MGA: variants seen among roughly 807,000 people sequenced by gnomAD.
MGA encodes MAX dimerization protein MGA.
Under a neutral mutation model 261.1 loss-of-function variants are expected in MGA, and 40 were observed. That is an observed-to-expected ratio of 0.15 (90% CI 0.12 to 0.20). The LOEUF (loss-of-function observed/expected upper bound fraction) is 0.20. Ranked by LOEUF, MGA falls within the 10% of genes least tolerant of loss-of-function variation. The pLI, the probability that MGA is intolerant of heterozygous loss-of-function variation, is 1.00. For missense variants in MGA, 3,397 were observed against 3,630.5 expected, an observed-to-expected ratio of 0.94 and a Z score of 1.65; for synonymous variants, 1,302 against 1,290.6, an observed-to-expected ratio of 1.01 and a Z score of -0.19.
At chr15:41,721,323 C>T (rs944700634) in intron 9 of MGA, among the ~76,000 whole-genome samples, 43 of 152,144 alleles carry the variant, frequency 2.8e-4, no homozygotes, top group African/African-American at 9.6e-4. Flanking sequence ...CAAAAATTAG[C>T]CAGGTGTGAT....
chr15:41,736,569 T>C lies in MGA; in HGVS notation c.4305T>C (p.Asp1435=). The C allele has an allele frequency of 6.2e-7, 1 of 1,614,066 alleles. No homozygotes were observed. The change falls in exon 13 of 24, where the codon GAT becomes GAC. Residue 1435 remains aspartate (D), a synonymous_variant. Transcript: ENST00000219905. The stretch of plus-strand genomic sequence containing the variant: ...AGGATATCTCTCCTGTGCAGACAGA[T>C]GCCCTGGATTCAGTGAGGGAGAGAT...
At chr15:41,676,722 A>G (rs551687164) in intron 2 of MGA, among the ~76,000 whole-genome samples, 2 of 152,214 alleles carry the variant, frequency 1.3e-5, no homozygotes, top group Non-Finnish European at 2.9e-5. Context: ...CATTTTTTAT[A>G]TACTTTTGCA....
rs748847687 is a variant in MGA, at chr15:41,729,187, A to C, written c.3681A>C (p.Pro1227=). 6.2e-7 allele frequency: 1 copy of C among 1,613,812 alleles called. No individual in the cohort carries two copies. Among genetic ancestry groups the C allele is most frequent in the Admixed American group, 1.7e-5 (1 of 59,978 alleles). ...AGATTCGGGAAGAGGACAAAGATCC[A>C]GTCTACTTGTACTTTGAAAGTATGA... The change falls in exon 11 of 24, where the codon CCA becomes CCC. Residue 1227 remains proline, a synonymous_variant. Transcript: ENST00000219905.
intron 10 of MGA, 86 bp downstream of exon 10, chr15:41,727,492 T>G: frequency 7.8e-7 from 1 of 1,286,314 alleles, no homozygotes; most frequent in African/African-American, 1.5e-5. Context: ...TGGTTGATAT[T>G]TTGTGAATCA....
intron 1 of MGA, among the ~76,000 whole-genome samples, chr15:41,648,910 C>T (rs2056985884): frequency 6.6e-6 from 1 of 151,814 alleles, no homozygotes; most frequent in African/African-American, 2.4e-5. Flanking sequence ...AGAATGAGTG[C>T]CTGGAGAGAG....
intron 20 of MGA, among the ~76,000 whole-genome samples, chr15:41,760,955 G>A (rs1277293785): frequency 1.3e-5 from 2 of 152,158 alleles, no homozygotes; most frequent in Non-Finnish European, 2.9e-5. Flanking sequence ...ATTTTTAGTA[G>A]AGACGGGGTT....
intron 1 of MGA, among the ~76,000 whole-genome samples, chr15:41,667,846 C>T (rs980134478): frequency 4.6e-5 from 7 of 152,084 alleles, no homozygotes; most frequent in African/African-American, 1.7e-4. Context: ...CCCTGTCACC[C>T]AGGCTGGAGT....
At chr15:41,747,334 A>T (rs2062562562) in intron 15 of MGA, among the ~76,000 whole-genome samples, 1 of 152,150 alleles carries the variant, frequency 6.6e-6, no homozygotes, top group East Asian at 1.9e-4. Flanking sequence ...TTAGTTCTTT[A>T]TCTTCCTCAG....
At chr15:41,652,169 T>G (rs1428349126) in intron 1 of MGA, among the ~76,000 whole-genome samples, 2 of 147,086 alleles carry the variant, frequency 1.4e-5, no homozygotes, top group Non-Finnish European at 3.0e-5. Context: ...AGAGATGGGG[T>G]TTCATGTGTT....
chr15:41,684,246 A>T (rs2058827588), intron 2 of MGA: 1 of 283,332 alleles, frequency 3.5e-6, no homozygotes, highest in South Asian at 3.3e-5. Flanking sequence ...TTTTATCATG[A>T]GTATTTAAAA....
chr15:41,695,442 C>A (rs186984014), intron 2 of MGA, among the ~76,000 whole-genome samples: 2 of 152,326 alleles, frequency 1.3e-5, no homozygotes, highest in African/African-American at 2.4e-5. Context: ...CTGCCTCAGC[C>A]TCCCAAAGTA....
intron 1 of MGA, among the ~76,000 whole-genome samples, chr15:41,627,121 T>G (rs1157077531): frequency 6.6e-6 from 1 of 152,152 alleles, no homozygotes; most frequent in Non-Finnish European, 1.5e-5. Context: ...GTTTCCCAGG[T>G]TGGTCTCCTG....
At chr15:41,706,477 C>G (rs796625137) in intron 5 of MGA, among the ~76,000 whole-genome samples, 9 of 151,510 alleles carry the variant, frequency 5.9e-5, no homozygotes, top group African/African-American at 1.5e-4. Flanking sequence ...TACCTAATGT[C>G]TTTACCTGTT....
At chr15:41,631,044 A>T (rs115819814) in intron 1 of MGA, among the ~76,000 whole-genome samples, 1,923 of 152,354 alleles carry the variant, frequency 0.013, 35 homozygotes, top group African/African-American at 0.044. Context: ...AATAAAAGGC[A>T]TTCTTTGCAC....
In MGA at chr15:41,678,127, G is replaced by T. The variant is rs921093008; in HGVS notation, c.1064+8169G>T. Among the ~76,000 whole-genome samples, 22 of 136,846 alleles carry T rather than the reference G, an allele frequency of 1.6e-4. No homozygotes were observed. In the East Asian group the frequency reaches 4.3e-3, roughly 27 times the overall value. 89.8% of individuals were successfully genotyped at this position (136,846 alleles called of 152,430 possible). On this transcript the variant is annotated intron_variant, in intron 2 of 23. Transcript: ENST00000219905. ...TTTTTTTGAGACAGAGTCTTGCTCTGTCACCCAGGCTGGAGTGCAGTGGTG... is the reference window on the plus strand; with the variant it reads ...TTTTTTTGAGACAGAGTCTTGCTCTTTCACCCAGGCTGGAGTGCAGTGGTG...
Position 41,740,056 on chromosome 15 carries a change from G to A in MGA, c.4438G>A (p.Ala1480Thr). ...CCTCAGTACTGTCATCTCCAAGGTAGCATCCAATGCCAAGGTGGCTGCATC... is the reference window on the plus strand; with the variant it reads ...CCTCAGTACTGTCATCTCCAAGGTAACATCCAATGCCAAGGTGGCTGCATC... Residue 1480 changes from alanine to threonine, a missense_variant, in exon 14 of 24, where the codon GCA (alanine) becomes ACA (threonine). Physicochemically the swap from Ala to Thr is moderately conservative, Grantham distance 58. Coordinates refer to ENST00000219905, the MANE Select transcript of MGA (RefSeq NM_001164273.2). The A allele has an allele frequency of 6.2e-7, 1 of 1,613,998 alleles. No homozygotes were observed. Among genetic ancestry groups the A allele is most frequent in the Non-Finnish European group, 8.5e-7 (1 of 1,179,882 alleles).
intron 2 of MGA, among the ~76,000 whole-genome samples, chr15:41,695,476 C>A (rs936483443): frequency 1.3e-5 from 2 of 152,196 alleles, no homozygotes; most frequent in African/African-American, 2.4e-5. Flanking sequence ...CGTGAGCCAT[C>A]GCTCCTGCCC....
At position 41,750,036 on chromosome 15, in the gene MGA, A is replaced by G. The variant is rs1454426650; in HGVS notation, c.6429A>G (p.Ser2143=). 1 of 1,613,336 alleles carries G rather than the reference A, an allele frequency of 6.2e-7. No homozygotes were observed. The highest frequency in any genetic ancestry group is 8.5e-7 in the Non-Finnish European group (1 of 1,179,650). The change falls in exon 17 of 24, where the codon TCA becomes TCG. Residue 2143 remains serine, a synonymous_variant. Transcript: ENST00000219905. Reference sequence around the variant, plus strand: ...AGGAAGAAAGTAAATTTGAATTGTCAGGAAGCAAAGTTATGGAGCAGCAAT... The same window carrying G: ...AGGAAGAAAGTAAATTTGAATTGTCGGGAAGCAAAGTTATGGAGCAGCAAT...
At chr15:41,673,977 C>T (rs1310024107) in intron 2 of MGA, among the ~76,000 whole-genome samples, 4 of 150,582 alleles carry the variant, frequency 2.7e-5, no homozygotes, top group African/African-American at 9.8e-5. Flanking sequence ...CGGAAACCTC[C>T]GCCTCTTGGG....
Sources: allele counts gnomAD v4.1 joint callset (sites outside exome capture counted in the v4.1 genomes callset), GRCh38; gene constraint gnomAD v4.1.1; transcripts MANE v1.5; gene names NCBI Gene and HGNC (gene_info 2026-07-23, HGNC 2026-07-21).